Variants in MGAT4C observed in about 807,000 individuals in gnomAD.
MGAT4C encodes MGAT4 family member C.
Under a neutral mutation model 40.1 loss-of-function variants are expected in MGAT4C, and 19 were observed. The observed-to-expected ratio is 0.47, with a 90% CI of 0.33 to 0.70. MGAT4C has a LOEUF of 0.70. Ranked by LOEUF, MGAT4C falls within the 30% of genes least tolerant of loss-of-function variation. MGAT4C has a pLI of 0.02. For synonymous variants in MGAT4C, 181 were observed against 187.1 expected, an observed-to-expected ratio of 0.97 and a Z score of 0.27; for missense variants, 491 against 563.2, an observed-to-expected ratio of 0.87 and a Z score of 1.30.
Position 86,449,975 on chromosome 12 carries a change from T to C in MGAT4C, c.-228-14710A>G, listed in dbSNP as rs543054162. On this transcript the variant is annotated intron_variant, in intron 2 of 7. Coordinates refer to the MGAT4C transcript ENST00000548651. ...TGATTATACAACATTAAGAATGTGT[T>C]GGATATCACTGAATTGCACCCTTTA... Among the ~76,000 whole-genome samples, 11 of 152,308 alleles carry C rather than the reference T, an allele frequency of 7.2e-5. No individual in the cohort carries two copies. The South Asian group carries it at 1.9e-3, about 26-fold the overall frequency.
intron 2 of MGAT4C, among the ~76,000 whole-genome samples, chr12:86,622,595 C>A (rs188918372): frequency 1.3e-4 from 20 of 152,154 alleles, no homozygotes; most frequent in Admixed American, 1.3e-3. Context: ...AAAGCTGTAC[C>A]AGCACCATGT....
chr12:86,322,051 G>T (rs1260613468), intron 4 of MGAT4C, among the ~76,000 whole-genome samples: 3 of 151,824 alleles, frequency 2.0e-5, no homozygotes, highest in East Asian at 3.9e-4. Flanking sequence ...CCATAAAAAA[G>T]GATGAGTTCA....
chr12:86,750,942 C>T (rs1406786607), intron 1 of MGAT4C, among the ~76,000 whole-genome samples: 1 of 151,900 alleles, frequency 6.6e-6, no homozygotes, highest in Non-Finnish European at 1.5e-5. Flanking sequence ...GGTCAGCCAG[C>T]ATCTACGAGA....
intron 2 of MGAT4C, among the ~76,000 whole-genome samples, chr12:86,542,699 A>T (rs1959174459): frequency 6.6e-6 from 1 of 152,188 alleles, no homozygotes; most frequent in African/African-American, 2.4e-5. Flanking sequence ...ATAAGCATGG[A>T]ATTAATGGAT....
At chr12:86,315,459 T>C (rs1954185506) in intron 4 of MGAT4C, among the ~76,000 whole-genome samples, 1 of 152,106 alleles carries the variant, frequency 6.6e-6, no homozygotes, top group Middle Eastern at 3.4e-3. Context: ...TGCCAGCACT[T>C]TGGGAGGCCG....
chr12:86,460,451 G>GT (rs1264045357), intron 2 of MGAT4C, among the ~76,000 whole-genome samples: 4 of 152,134 alleles, frequency 2.6e-5, no homozygotes. Flanking sequence ...GCAAATTGTT[G>GT]TAAGTAAAAC....
At chr12:86,167,607 T>C (rs188859206) in intron 1 of MGAT4C, among the ~76,000 whole-genome samples, 1 of 152,226 alleles carries the variant, frequency 6.6e-6, no homozygotes, top group Non-Finnish European at 1.5e-5. Flanking sequence ...GCAGAAGGTT[T>C]AAAGTAAAGA....
intron 1 of MGAT4C, among the ~76,000 whole-genome samples, chr12:86,174,124 TACACACACACAC>T (rs71445051): frequency 6.3e-5 from 9 of 143,918 alleles, no homozygotes; most frequent in East Asian, 2.0e-4. Flanking sequence ...CACACACACA[TACACACACACAC>T]ACACACACAC....
At chr12:86,406,000 T>C (rs1956464403) in intron 3 of MGAT4C, among the ~76,000 whole-genome samples, 1 of 135,718 alleles carries the variant, frequency 7.4e-6, no homozygotes. Flanking sequence ...AAATATATAT[T>C]ATATATAAAT....
intron 1 of MGAT4C, among the ~76,000 whole-genome samples, chr12:86,104,468 A>C (rs985632641): frequency 6.6e-6 from 1 of 151,970 alleles, no homozygotes; most frequent in East Asian, 1.9e-4. Flanking sequence ...AACAACAAAA[A>C]AATTGTCTCG....
At chr12:86,293,955 C>T (rs1404370713) in intron 4 of MGAT4C, among the ~76,000 whole-genome samples, 5 of 152,086 alleles carry the variant, frequency 3.3e-5, no homozygotes, top group Admixed American at 6.6e-5. Context: ...ATGAATTAAT[C>T]CATAAATCAC....
intron 1 of MGAT4C, among the ~76,000 whole-genome samples, chr12:86,213,331 C>A (rs1950555402): frequency 6.6e-6 from 1 of 152,120 alleles, no homozygotes; most frequent in Non-Finnish European, 1.5e-5. Flanking sequence ...CTATTCCAGG[C>A]CACCCCTACT....
chr12:86,605,374 G>A (rs1962007898), intron 2 of MGAT4C, among the ~76,000 whole-genome samples: 1 of 152,004 alleles, frequency 6.6e-6, no homozygotes, highest in Admixed American at 6.6e-5. Context: ...CCCGTTTACT[G>A]AGTAGATTTT....
intron 1 of MGAT4C, among the ~76,000 whole-genome samples, chr12:86,801,015 C>T (rs1421843370): frequency 6.6e-6 from 1 of 151,884 alleles, no homozygotes; most frequent in Non-Finnish European, 1.5e-5. Flanking sequence ...AGCAAAAATC[C>T]TCTTAGGTCT....
intron 1 of MGAT4C, among the ~76,000 whole-genome samples, chr12:86,770,915 C>T (rs1951622000): frequency 6.6e-6 from 1 of 151,954 alleles, no homozygotes; most frequent in Non-Finnish European, 1.5e-5. Context: ...ATTGTGTCTC[C>T]TTCCCCAAAC....
rs182713705 is a variant in MGAT4C, at chr12:86,526,359, G to A, written c.-228-91094C>T. ...GGCAGGGCAGCGTGCATGTACACAT[G>A]CACACTGGTGGAGCAAGAAAAGCAA... On this transcript the variant is annotated intron_variant, in intron 2 of 7. Coordinates refer to the MGAT4C transcript ENST00000548651. Among the ~76,000 whole-genome samples the A allele has an allele frequency of 1.6e-3, 243 of 152,182 alleles. 2 individuals carry two copies. Among genetic ancestry groups the A allele is most frequent in the African/African-American group, 5.1e-3 (212 of 41,548 alleles).
At chr12:86,178,215 C>G (rs1262013242) in intron 1 of MGAT4C, among the ~76,000 whole-genome samples, 2 of 152,162 alleles carry the variant, frequency 1.3e-5, no homozygotes, top group African/African-American at 2.4e-5. Flanking sequence ...GGATTACAGG[C>G]ATGAGCTACT....
intron 1 of MGAT4C, among the ~76,000 whole-genome samples, chr12:86,177,907 T>C (rs1212043057): frequency 6.6e-6 from 1 of 152,154 alleles, no homozygotes; most frequent in Non-Finnish European, 1.5e-5. Context: ...CATTCAAATA[T>C]ATATTCACTT....
intron 1 of MGAT4C, among the ~76,000 whole-genome samples, chr12:86,222,264 G>T (rs1169887663): frequency 6.6e-6 from 1 of 152,174 alleles, no homozygotes; most frequent in Non-Finnish European, 1.5e-5. Context: ...CTGGTATGGT[G>T]CTTTAATGTG....
Sources: allele counts gnomAD v4.1 joint callset (sites outside exome capture counted in the v4.1 genomes callset), GRCh38; gene constraint gnomAD v4.1.1; transcripts MANE v1.5; gene names NCBI Gene and HGNC (gene_info 2026-07-23, HGNC 2026-07-21).